Variants in CLDN16 observed in about 807,000 individuals in gnomAD.
CLDN16 encodes the protein claudin 16.
CLDN16 carries 13 observed loss-of-function variants against 24.6 expected under a neutral mutation model. The ratio of observed to expected loss-of-function variants is 0.53; its 90% CI spans 0.34 to 0.84. CLDN16 has a LOEUF of 0.84. Ranked by LOEUF, CLDN16 falls within the 40% of genes least tolerant of loss-of-function variation. CLDN16 has a pLI of 0.01. For synonymous variants in CLDN16, 116 were observed against 106.7 expected (o/e 1.09, Z -0.54); for missense variants, 298 against 292.7 (o/e 1.02, Z -0.13).
At chr3:190,351,995 A>G (rs1325513790) in intron 1 of CLDN16, among the ~76,000 whole-genome samples, 1 of 152,096 alleles carries the variant, frequency 6.6e-6, no homozygotes, top group African/African-American at 2.4e-5. Flanking sequence ...CCTGGCTTGA[A>G]TTATCCCAGT....
chr3:190,389,929 T>C (rs1033130202), intron 1 of CLDN16, among the ~76,000 whole-genome samples: 2 of 152,222 alleles, frequency 1.3e-5, no homozygotes, highest in Non-Finnish European at 2.9e-5. Context: ...AATTTAAAAG[T>C]CTTTCTGCTT....
chr3:190,399,004 T>C (rs1188727274), intron 1 of CLDN16, among the ~76,000 whole-genome samples: 1 of 152,184 alleles, frequency 6.6e-6, no homozygotes, highest in Non-Finnish European at 1.5e-5. Flanking sequence ...TTTTTTGATC[T>C]CTGTGTTACA....
At chr3:190,295,182 A>T in the CLDN16 span, among the ~76,000 whole-genome samples, 1 of 152,182 alleles carries the variant, frequency 6.6e-6, no homozygotes, top group Non-Finnish European at 1.5e-5. Flanking sequence ...TTTCTCTGAC[A>T]GTCTTAAGAT....
intron 3 of CLDN16, among the ~76,000 whole-genome samples, chr3:190,407,096 A>C (rs1265351667): frequency 6.6e-6 from 1 of 152,182 alleles, no homozygotes; most frequent in African/African-American, 2.4e-5. Flanking sequence ...ATACAGTTAA[A>C]TAGTGATTTA....
chr3:190,333,442 A>G (rs1399038824), intron 1 of CLDN16, among the ~76,000 whole-genome samples: 3 of 152,172 alleles, frequency 2.0e-5, no homozygotes, highest in South Asian at 2.1e-4. Flanking sequence ...ATTACTCAAA[A>G]ACTATGGATA....
chr3:190,368,325 G>T (rs759826051), intron 1 of CLDN16, among the ~76,000 whole-genome samples: 1 of 151,924 alleles, frequency 6.6e-6, no homozygotes, highest in Non-Finnish European at 1.5e-5. Context: ...GAGGCACAGA[G>T]GTCCGCCAAC....
Position 190,412,132 on chromosome 3 carries a change from T to C in CLDN16, c.*2096T>C, listed in dbSNP as rs901385416. The C allele has an allele frequency of 1.3e-5, 2 of 152,176 alleles. No individual in the cohort carries two copies. Among genetic ancestry groups the C allele is most frequent in the Middle Eastern group, 3.2e-3 (1 of 316 alleles). 9.4% of individuals were successfully genotyped at this position (152,176 alleles called of 1,614,324 possible). On this transcript the variant is annotated 3_prime_UTR_variant, in exon 5 of 5. Coordinates refer to ENST00000264734, the MANE Select transcript of CLDN16 (RefSeq NM_006580.4). Reference sequence around the variant, plus strand: ...TTTTTTTCTCAATTAAAACATTTTGTATGTAATGGGAGGAATGTCAAGATT... The same window carrying C: ...TTTTTTTCTCAATTAAAACATTTTGCATGTAATGGGAGGAATGTCAAGATT...
chr3:190,323,264 C>T lies in CLDN16; in HGVS notation n.121+603C>T, dbSNP rs145344613. On this transcript the variant is annotated intron_variant and non_coding_transcript_variant, in intron 1 of 4. Coordinates refer to the CLDN16 transcript ENST00000468220. ...TATCAGAGGGACCTGGCCAGTGCCC[C>T]GCTCTCCCTGAAAGGTGTTAATTTT... Among the ~76,000 whole-genome samples the T allele has an allele frequency of 3.3e-5, 5 of 152,282 alleles. No individual in the cohort carries two copies. The East Asian group carries it at 7.7e-4, about 24-fold the overall frequency.
chr3:190,387,767 G>T, upstream of CLDN16: 1 of 314,382 alleles, frequency 3.2e-6, no homozygotes, highest in Non-Finnish European at 6.2e-6. Flanking sequence ...TCCCTTGAGC[G>T]AGCACTTGTT....
chr3:190,377,615 C>T (rs1260307736), intron 3 of CLDN16, among the ~76,000 whole-genome samples: 2 of 152,000 alleles, frequency 1.3e-5, no homozygotes, highest in East Asian at 3.9e-4. Flanking sequence ...TGTTATTAAT[C>T]ACTATGAAAA....
chr3:190,395,175 G>A (rs980191143), intron 1 of CLDN16, among the ~76,000 whole-genome samples: 4 of 151,922 alleles, frequency 2.6e-5, no homozygotes, highest in Admixed American at 6.6e-5. Context: ...GATATATAAC[G>A]TAGGTCATAT....
intron 1 of CLDN16, among the ~76,000 whole-genome samples, chr3:190,367,023 T>C (rs1173741438): frequency 6.6e-6 from 1 of 151,956 alleles, no homozygotes; most frequent in Non-Finnish European, 1.5e-5. Context: ...ATAAAAACAT[T>C]CAAGATTTTA....
intron 1 of CLDN16, among the ~76,000 whole-genome samples, chr3:190,366,016 G>A (rs929155356): frequency 5.3e-5 from 8 of 151,762 alleles, no homozygotes; most frequent in African/African-American, 9.7e-5. Context: ...ATTCATGTTC[G>A]GAAAGCAAGT....
intron 1 of CLDN16, among the ~76,000 whole-genome samples, chr3:190,365,308 G>T (rs1318677665): frequency 6.6e-6 from 1 of 151,554 alleles, no homozygotes; most frequent in African/African-American, 2.4e-5. Context: ...GCCTTCTCAG[G>T]ATAGCCACCA....
At chr3:190,354,532 A>G (rs1371842234) in intron 1 of CLDN16, among the ~76,000 whole-genome samples, 1 of 152,038 alleles carries the variant, frequency 6.6e-6, no homozygotes. Context: ...TGAACCAATC[A>G]TTGTATCCTG....
chr3:190,408,571 C>G, intron 4 of CLDN16, 66 bp downstream of exon 4: 1 of 1,435,600 alleles, frequency 7.0e-7, no homozygotes, highest in Non-Finnish European at 9.7e-7. Flanking sequence ...CCAGTGGAAA[C>G]AAATTTCAAA....
the CLDN16 span, among the ~76,000 whole-genome samples, chr3:190,312,316 T>C: frequency 6.6e-6 from 1 of 151,968 alleles, no homozygotes; most frequent in Non-Finnish European, 1.5e-5. Context: ...TTTTTTTTCC[T>C]AACTGCTTTA....
At chr3:190,301,956 A>G in the CLDN16 span, among the ~76,000 whole-genome samples, 3 of 152,182 alleles carry the variant, frequency 2.0e-5, no homozygotes, top group Non-Finnish European at 4.4e-5. Flanking sequence ...TCAAAGTAAA[A>G]GAGGAAGTCT....
At chr3:190,316,183 A>T in the CLDN16 span, among the ~76,000 whole-genome samples, 1 of 152,248 alleles carries the variant, frequency 6.6e-6, no homozygotes, top group African/African-American at 2.4e-5. Flanking sequence ...AATGGAAAAC[A>T]CAATATTTAA....
Sources: allele counts gnomAD v4.1 joint callset (sites outside exome capture counted in the v4.1 genomes callset), GRCh38; gene constraint gnomAD v4.1.1; transcripts MANE v1.5; gene names NCBI Gene and HGNC (gene_info 2026-07-23, HGNC 2026-07-21).